SLC6A11: variants seen among roughly 807,000 people sequenced by gnomAD.
SLC6A11 encodes solute carrier family 6 member 11, also known as sodium- and chloride-dependent GABA transporter 3.
Under a neutral mutation model 74.8 loss-of-function variants are expected in SLC6A11, and 25 were observed. That is an observed-to-expected ratio of 0.33 (90% CI 0.24 to 0.47). The LOEUF (loss-of-function observed/expected upper bound fraction) is 0.47. Among genes scored for constraint, SLC6A11 ranks in the 20% least tolerant of loss-of-function variants. SLC6A11 has a pLI of 1.00. For missense variants in SLC6A11, 574 were observed against 837.0 expected, an observed-to-expected ratio of 0.69 and a Z score of 3.88; for synonymous variants, 330 against 330.2, an observed-to-expected ratio of 1.00 and a Z score of 0.01.
intron 4 of SLC6A11, among the ~76,000 whole-genome samples, chr3:10,835,447 G>A (rs1694354530): frequency 6.6e-6 from 1 of 152,148 alleles, no homozygotes; most frequent in Non-Finnish European, 1.5e-5. Context: ...TTCCCCTTAT[G>A]CACTTTGCCT....
intron 5 of SLC6A11, among the ~76,000 whole-genome samples, chr3:10,873,117 C>T (rs1295486771): frequency 6.6e-6 from 1 of 152,150 alleles, no homozygotes; most frequent in African/African-American, 2.4e-5. Context: ...GCCCCTGGGA[C>T]GGGAACTCCT....
intron 5 of SLC6A11, among the ~76,000 whole-genome samples, chr3:10,872,857 G>A (rs942473321): frequency 2.6e-5 from 4 of 152,222 alleles, no homozygotes; most frequent in Non-Finnish European, 5.9e-5. Context: ...TGGAGTCTCT[G>A]AACCAAAGCT....
Position 10,848,990 on chromosome 3 carries a change from C to T in SLC6A11, c.756+4644C>T, listed in dbSNP as rs146543981. 1.1e-3 allele frequency among the ~76,000 whole-genome samples: 162 copies of T among 152,312 alleles called. 4 individuals carry two copies. The East Asian group carries it at 0.026, about 24-fold the overall frequency. On this transcript the variant is annotated intron_variant, in intron 5 of 13. Transcript: ENST00000254488. The stretch of plus-strand genomic sequence containing the variant: ...GTCTTCATCTGTTCTGTATCTCCAG[C>T]TTGGAGTTACTGTGCAGATTGAACA...
intron 3 of SLC6A11, among the ~76,000 whole-genome samples, chr3:10,820,910 G>C (rs1432328264): frequency 6.6e-6 from 1 of 152,186 alleles, no homozygotes; most frequent in Non-Finnish European, 1.5e-5. Flanking sequence ...CTGCCATCGT[G>C]AGGGCTGAGA....
At chr3:10,820,482 C>T (rs75613882) in intron 3 of SLC6A11, among the ~76,000 whole-genome samples, 4 of 152,176 alleles carry the variant, frequency 2.6e-5, no homozygotes, top group East Asian at 1.9e-4. Flanking sequence ...ATGACACATC[C>T]GTCCTGGAGT....
At chr3:10,821,543 T>G (rs908981309) in intron 3 of SLC6A11, among the ~76,000 whole-genome samples, 5 of 152,218 alleles carry the variant, frequency 3.3e-5, no homozygotes, top group African/African-American at 1.2e-4. Flanking sequence ...CTCAACAGAT[T>G]CTGCTTCTTA....
chr3:10,881,508 G>T (rs3774108), intron 6 of SLC6A11, among the ~76,000 whole-genome samples: 116,024 of 152,230 alleles, frequency 0.76, 44,601 homozygotes, highest in Admixed American at 0.85. Context: ...AAGGTCCACT[G>T]GGAAAGTCAG....
At chr3:10,836,753 C>T (rs1484639836) in intron 4 of SLC6A11, among the ~76,000 whole-genome samples, 1 of 152,166 alleles carries the variant, frequency 6.6e-6, no homozygotes, top group Non-Finnish European at 1.5e-5. Context: ...CCCAGTGTGA[C>T]CTGGGAACTC....
intron 6 of SLC6A11, among the ~76,000 whole-genome samples, chr3:10,880,224 T>C (rs1301523649): frequency 6.6e-6 from 1 of 152,200 alleles, no homozygotes; most frequent in Non-Finnish European, 1.5e-5. Flanking sequence ...CAGTGAAAGT[T>C]TCCATCTTGT....
At chr3:10,846,594 C>A (rs143586664) in intron 5 of SLC6A11, among the ~76,000 whole-genome samples, 1 of 152,050 alleles carries the variant, frequency 6.6e-6, no homozygotes, top group African/African-American at 2.4e-5. Flanking sequence ...GCTGACTGGG[C>A]GATTAAGTCT....
intron 5 of SLC6A11, among the ~76,000 whole-genome samples, chr3:10,871,980 G>C (rs184304467): frequency 4.3e-4 from 65 of 152,278 alleles, no homozygotes; most frequent in African/African-American, 1.6e-3. Flanking sequence ...ACCTTTGCTG[G>C]TTCTAATTTC....
In SLC6A11 at chr3:10,926,661, C is replaced by T. The variant is rs561863116; in HGVS notation, c.1233+545C>T. Among the ~76,000 whole-genome samples, 48 of 152,318 alleles carry T rather than the reference C, an allele frequency of 3.2e-4. No homozygotes were observed. Among genetic ancestry groups the T allele is most frequent in the African/African-American group, 1.1e-3 (47 of 41,574 alleles). ...CCCTCCCTAGAGGCCCCTTGCCAAC[C>T]TCCCCCTGCTTGGCAGCCTCCTTCC... On this transcript the variant is annotated intron_variant, in intron 9 of 13. Transcript: ENST00000254488. This position sits in a 1 kb window ranked among gnomAD's most constrained non-coding sequence, Gnocchi z 5.7.
chr3:10,871,614 C>T (rs1482036830), intron 5 of SLC6A11, among the ~76,000 whole-genome samples: 2 of 152,132 alleles, frequency 1.3e-5, no homozygotes, highest in South Asian at 4.2e-4. Context: ...ATCATAGATG[C>T]TGTGTATAAA....
chr3:10,819,658 C>A, intron 2 of SLC6A11, 54 bp from the exon 3 acceptor site: 1 of 1,610,534 alleles, frequency 6.2e-7, no homozygotes, highest in Non-Finnish European at 8.5e-7. Context: ...ACTGCAAAGG[C>A]AGATTGTTTT....
Position 10,927,864 on chromosome 3 carries a change from T to G in SLC6A11, c.1234-1338T>G, listed in dbSNP as rs2106633560. On this transcript the variant is annotated intron_variant, in intron 9 of 13. Transcript: ENST00000254488. ...AAAGGATTTGGAGCCGACAAATAGCTCCAGGGAAGGGGTGCTTCCCAAAAA... is the reference window on the plus strand; with the variant it reads ...AAAGGATTTGGAGCCGACAAATAGCGCCAGGGAAGGGGTGCTTCCCAAAAA... 2.0e-5 allele frequency among the ~76,000 whole-genome samples: 3 copies of G among 152,214 alleles called. 1 individual carries two copies. In the South Asian group the frequency reaches 6.2e-4, roughly 32 times the overall value.
Position 10,816,910 on chromosome 3 carries a change from G to A in SLC6A11, c.256+389G>A, listed in dbSNP as rs372016234. 4.0e-4 allele frequency among the ~76,000 whole-genome samples: 61 copies of A among 152,346 alleles called. No individual in the cohort carries two copies. The East Asian group carries it at 0.012, about 29-fold the overall frequency. ...GGGGAAGGGACTCCTGATGATCAAAGTGGTCTCAGTTTTTGCGCGCTTACT... is the reference window on the plus strand; with the variant it reads ...GGGGAAGGGACTCCTGATGATCAAAATGGTCTCAGTTTTTGCGCGCTTACT... On this transcript the variant is annotated intron_variant, in intron 1 of 13. Transcript: ENST00000254488. The surrounding 1 kb of genome is among the most constrained non-coding windows in gnomAD (Gnocchi z 4.2).
chr3:10,829,035 T>C (rs1424997178), intron 4 of SLC6A11, among the ~76,000 whole-genome samples: 4 of 152,132 alleles, frequency 2.6e-5, no homozygotes, highest in African/African-American at 7.2e-5. Context: ...CATCTGTAAA[T>C]TGGAAATGAT....
At chr3:10,910,206 AT>A (rs1256345212) in intron 6 of SLC6A11, among the ~76,000 whole-genome samples, 1 of 152,232 alleles carries the variant, frequency 6.6e-6, no homozygotes, top group Non-Finnish European at 1.5e-5. Context: ...CAGAGGCGGC[AT>A]TATGATCTTC....
chr3:10,824,206 C>T (rs1019663838), intron 4 of SLC6A11: 1 of 152,174 alleles, frequency 6.6e-6, no homozygotes, highest in Admixed American at 6.5e-5. Context: ...CACAGTGGCC[C>T]TGACTTGCAA....
Sources: gnomAD v4.1 joint callset for allele counts (sites outside exome capture counted in the v4.1 genomes callset) on GRCh38, gnomAD v4.1.1 for gene constraint, Gnocchi (gnomAD v3.1) non-coding constraint, MANE v1.5 for transcripts, NCBI Gene and HGNC (gene_info 2026-07-23, HGNC 2026-07-21) for gene names.